IQSEC1: variants seen among roughly 807,000 people sequenced by gnomAD.
IQSEC1 encodes the protein IQ motif and Sec7 domain ArfGEF 1.
A neutral mutation model predicts 91.0 loss-of-function variants in IQSEC1; 31 were observed. The ratio of observed to expected loss-of-function variants is 0.34; its 90% CI spans 0.26 to 0.46. The LOEUF is 0.46. IQSEC1 is among the 20% of genes least tolerant of loss of function. The pLI is 1.00. For missense variants in IQSEC1, 1,388 were observed against 1,575.6 expected, an observed-to-expected ratio of 0.88 and a Z score of 2.02; for synonymous variants, 699 against 662.6, an observed-to-expected ratio of 1.05 and a Z score of -0.84.
chr3:13,229,740 T>C (rs539822660), intron 1 of IQSEC1, among the ~76,000 whole-genome samples: 1 of 152,210 alleles, frequency 6.6e-6, no homozygotes, highest in Non-Finnish European at 1.5e-5. Context: ...GCTGGGATGC[T>C]TATCCCCAGG....
chr3:13,066,513 G>A (rs575433356), intron 1 of IQSEC1, among the ~76,000 whole-genome samples: 1 of 152,362 alleles, frequency 6.6e-6, no homozygotes, highest in East Asian at 1.9e-4. Context: ...AGGTGAAGGG[G>A]AAGAAGGGCA....
At chr3:13,147,470 T>G (rs1398114518) in intron 2 of IQSEC1, among the ~76,000 whole-genome samples, 2 of 152,232 alleles carry the variant, frequency 1.3e-5, no homozygotes, top group African/African-American at 4.8e-5. Flanking sequence ...TCCAGCTTCA[T>G]CCAAGTTGCT....
rs1303342466 is a variant in IQSEC1 at position 12,992,559 on chromosome 3, CA to C, written c.24-50695del. Reference sequence around the variant, plus strand: ...ATTGTTCAGAGGGGGCTGCACAGGCCAATGTGTCCACTGCCTGGTGGAGCCT... The same window carrying C: ...ATTGTTCAGAGGGGGCTGCACAGGCCATGTGTCCACTGCCTGGTGGAGCCT... On this transcript the variant is annotated intron_variant, in intron 1 of 13. Transcript: ENST00000613206. The surrounding 1 kb of genome is among the most constrained non-coding windows in gnomAD (Gnocchi z 4.1). 6.6e-6 allele frequency among the ~76,000 whole-genome samples: 1 copy of C among 152,296 alleles called. No individual in the cohort carries two copies. The highest frequency in any genetic ancestry group is 1.9e-4 in the East Asian group (1 of 5,180).
intron 1 of IQSEC1, chr3:13,015,659 G>T (rs1275033479): frequency 2.0e-6 from 2 of 984,978 alleles, no homozygotes; most frequent in African/African-American, 3.5e-5. Context: ...ATGAGCTGTG[G>T]GTCCATCCCC....
At chr3:13,197,200 A>G (rs1694145683) in intron 1 of IQSEC1, among the ~76,000 whole-genome samples, 2 of 152,350 alleles carry the variant, frequency 1.3e-5, no homozygotes, top group East Asian at 3.9e-4. Flanking sequence ...AGGGATGCAC[A>G]TGAACCATGT....
upstream of IQSEC1, among the ~76,000 whole-genome samples, chr3:13,073,528 A>G (rs145880949): frequency 0.013 from 2,029 of 151,982 alleles, 43 homozygotes; most frequent in African/African-American, 0.044. Context: ...GCTGGTCGCC[A>G]TGGCAACAGC....
chr3:13,202,334 CA>C (rs1694259628), intron 1 of IQSEC1, among the ~76,000 whole-genome samples: 1 of 152,194 alleles, frequency 6.6e-6, no homozygotes, highest in Non-Finnish European at 1.5e-5. Context: ...AGTTGGGTCT[CA>C]AAAAGATCTT....
chr3:13,197,198 A>C (rs1213968427), intron 1 of IQSEC1, among the ~76,000 whole-genome samples: 1 of 152,218 alleles, frequency 6.6e-6, no homozygotes, highest in Non-Finnish European at 1.5e-5. Flanking sequence ...TCAGGGATGC[A>C]CATGAACCAT....
chr3:12,972,753 A>C (rs1700967847), intron 1 of IQSEC1, among the ~76,000 whole-genome samples: 1 of 152,218 alleles, frequency 6.6e-6, no homozygotes, highest in African/African-American at 2.4e-5. Flanking sequence ...TTCATGCCAC[A>C]CTGGCCACCA....
intron 1 of IQSEC1, among the ~76,000 whole-genome samples, chr3:13,062,513 G>C (rs1288498583): frequency 6.6e-6 from 1 of 152,096 alleles, no homozygotes; most frequent in Non-Finnish European, 1.5e-5. Context: ...GTGGGGTCCT[G>C]GCAGGGGAGG....
At chr3:12,961,713 T>C (rs540313118) in intron 1 of IQSEC1, among the ~76,000 whole-genome samples, 1 of 152,304 alleles carries the variant, frequency 6.6e-6, no homozygotes, top group East Asian at 1.9e-4. Context: ...CAGTCAAACT[T>C]CTCGGGCCTA....
chr3:13,008,438 A>T lies in IQSEC1; in HGVS notation c.23+64554T>A, dbSNP rs1702729867. Among the ~76,000 whole-genome samples, 1 of 152,090 alleles carries T rather than the reference A, an allele frequency of 6.6e-6. No individual in the cohort carries two copies. The highest frequency in any genetic ancestry group is 2.1e-4 in the South Asian group (1 of 4,820). ...CTCTGTCCTTTGAGCCTGAATCCCC[A>T]GGGGGCTGTTCATACTCCTCTTCCC... On this transcript the variant is annotated intron_variant, in intron 1 of 13. Transcript: ENST00000613206. This position sits in a 1 kb window ranked among gnomAD's most constrained non-coding sequence, Gnocchi z 4.1.
chr3:12,950,938 G>A (rs1357173381), intron 1 of IQSEC1, among the ~76,000 whole-genome samples: 4 of 151,940 alleles, frequency 2.6e-5, no homozygotes, highest in Admixed American at 1.3e-4. Flanking sequence ...GAGCCACTGC[G>A]CCCGGCCAAA....
intron 1 of IQSEC1, among the ~76,000 whole-genome samples, chr3:12,966,750 G>A (rs1361623525): frequency 6.6e-6 from 1 of 152,120 alleles, no homozygotes; most frequent in Non-Finnish European, 1.5e-5. Context: ...ACCCCCAAGT[G>A]GCCCTGCCAG....
chr3:12,911,420 A>G (rs1332758203), intron 10 of IQSEC1, among the ~76,000 whole-genome samples: 2 of 152,236 alleles, frequency 1.3e-5, no homozygotes, highest in African/African-American at 2.4e-5. Context: ...GTGTCTGTCC[A>G]GTGTTATTAC....
At chr3:13,021,880 A>T (rs1158578021) in intron 1 of IQSEC1, among the ~76,000 whole-genome samples, 1 of 152,006 alleles carries the variant, frequency 6.6e-6, no homozygotes, top group Non-Finnish European at 1.5e-5. Context: ...CCCCCTGGTC[A>T]TTGTTCCACT....
At chr3:12,972,662 A>G (rs1421789789) in intron 1 of IQSEC1, among the ~76,000 whole-genome samples, 1 of 152,126 alleles carries the variant, frequency 6.6e-6, no homozygotes, top group African/African-American at 2.4e-5. Context: ...CCAAATCCTC[A>G]TTTTACAGAC....
At chr3:13,237,072 C>G (rs2125097796) in intron 1 of IQSEC1, among the ~76,000 whole-genome samples, 1 of 152,356 alleles carries the variant, frequency 6.6e-6, no homozygotes, top group South Asian at 2.1e-4. Flanking sequence ...GGCAGGGCTG[C>G]ACTGGAAGGT....
chr3:13,221,508 A>T (rs1327049061), intron 1 of IQSEC1, among the ~76,000 whole-genome samples: 1 of 152,118 alleles, frequency 6.6e-6, no homozygotes, highest in Non-Finnish European at 1.5e-5. Context: ...GTGGACTCCC[A>T]CCCCAACTGC....
Sources: allele counts gnomAD v4.1 joint callset (sites outside exome capture counted in the v4.1 genomes callset), GRCh38; gene constraint gnomAD v4.1.1; non-coding constraint Gnocchi (gnomAD v3.1); transcripts MANE v1.5; gene names NCBI Gene and HGNC (gene_info 2026-07-23, HGNC 2026-07-21).